The following TEX52 variants were observed in gnomAD, a reference collection of about 807,000 sequenced individuals.
TEX52 encodes testis-expressed protein 52.
A neutral mutation model predicts 17.6 loss-of-function variants in TEX52; 22 were observed. The ratio of observed to expected loss-of-function variants is 1.25; its 90% CI spans 0.89 to 1.78. TEX52 has a LOEUF of 1.78. Ranked by LOEUF, TEX52 falls within the 40% of genes most tolerant of loss-of-function variation. The pLI is 0.00. For synonymous variants in TEX52, 168 were observed against 147.4 expected, an observed-to-expected ratio of 1.14 and a Z score of -1.01; for missense variants, 396 against 372.3, an observed-to-expected ratio of 1.06 and a Z score of -0.52.
downstream of TEX52, among the ~76,000 whole-genome samples, chr12:2,848,516 G>A (rs1329194839): frequency 6.6e-6 from 1 of 152,180 alleles, no homozygotes; most frequent in Non-Finnish European, 1.5e-5. Flanking sequence ...CCCCAACAGG[G>A]TGTGGAGAGG....
intron 2 of TEX52, among the ~76,000 whole-genome samples, chr12:2,854,415 C>G (rs2098080889): frequency 6.6e-6 from 1 of 152,234 alleles, no homozygotes; most frequent in Non-Finnish European, 1.5e-5. Context: ...CTCCCCCCTT[C>G]ATCGGTGAGG....
At chr12:2,848,820 T>G (rs745577124), downstream of TEX52, among the ~76,000 whole-genome samples, 7 of 151,772 alleles carry the variant, frequency 4.6e-5, no homozygotes, top group Non-Finnish European at 7.4e-5. Flanking sequence ...GGAGATAGCT[T>G]CTTCTTATCC....
At position 2,855,452 on chromosome 12, in the gene TEX52, G is replaced by A; in HGVS notation, c.73-6C>T. 2 of 1,431,900 alleles carry A rather than the reference G, an allele frequency of 1.4e-6. No individual in the cohort carries two copies. Among genetic ancestry groups the A allele is most frequent in the Non-Finnish European group, 1.8e-6 (2 of 1,090,768 alleles). 88.7% of individuals were successfully genotyped at this position (1,431,900 alleles called of 1,614,324 possible). ...GACTCGCTGGCCTGGACCATCTAGG[G>A]AGAGACAAAAGGGAGCCTGGGGAAG... On this transcript the variant is annotated splice_polypyrimidine_tract_variant and splice_region_variant and intron_variant, in intron 1 of 2. Coordinates refer to ENST00000637658, the MANE Select transcript of TEX52 (RefSeq NM_001365174.2).
chr12:2,856,991 G>A lies in TEX52; in HGVS notation c.36C>T (p.Pro12=), dbSNP rs1011902856. 5.4e-5 allele frequency: 38 copies of A among 702,916 alleles called. No individual in the cohort carries two copies. Among genetic ancestry groups the A allele is most frequent in the Non-Finnish European group, 8.6e-5 (33 of 385,018 alleles). The allele number at this position is 702,916 out of a possible 1,614,324, so 43.5% of individuals were successfully genotyped here. The change falls in exon 1 of 3, where the codon CCC becomes CCT. Residue 12 remains proline (P), a synonymous_variant. Transcript: ENST00000637658. ...ASNRQRSLRG[P]SHPSHMEEPF... is the part of the protein sequence containing the mutation. ...GTTCTTCCATATGAGATGGGTGACT[G>A]GGCCCTCTGAGTGATCTTTGCCGGT...
At chr12:2,854,173 C>G (rs1381245051) in intron 2 of TEX52, among the ~76,000 whole-genome samples, 1 of 151,944 alleles carries the variant, frequency 6.6e-6, no homozygotes, top group Admixed American at 6.5e-5. Context: ...TTGCAGGCAC[C>G]CATCACCACA....
At chr12:2,853,503 C>T (rs1433991549) in intron 2 of TEX52, among the ~76,000 whole-genome samples, 1 of 152,150 alleles carries the variant, frequency 6.6e-6, no homozygotes, top group Non-Finnish European at 1.5e-5. Context: ...GAACTCCTGA[C>T]CTCAGGCGAT....
chr12:2,855,266 A>G lies in TEX52; in HGVS notation c.253T>C (p.Trp85Arg). ...SKVRQRLIHP[W>R]KGGAQHTWGF... is the part of the protein sequence containing the mutation. ...CAGGTGTGCTGGGCGCCACCCTTCC[A>G]AGGGTGGATGAGCCGCTGACGCACC... Residue 85 changes from tryptophan to arginine, a missense_variant, in exon 2 of 3, where the codon TGG (tryptophan) becomes CGG (arginine). Transcript: ENST00000637658. The G allele has an allele frequency of 6.6e-7, 1 of 1,514,616 alleles. No individual in the cohort carries two copies. Among genetic ancestry groups the G allele is most frequent in the East Asian group, 2.5e-5 (1 of 40,404 alleles). The allele number at this position is 1,514,616 out of a possible 1,614,324, so 93.8% of individuals were successfully genotyped here.
intron 1 of TEX52, among the ~76,000 whole-genome samples, chr12:2,855,728 C>T (rs2098085167): frequency 6.6e-6 from 1 of 152,182 alleles, no homozygotes; most frequent in Admixed American, 6.5e-5. Flanking sequence ...TCACTCTTTA[C>T]CTTCACCTCC....
chr12:2,850,018 C>G (rs1004769378), intron 2 of TEX52, among the ~76,000 whole-genome samples: 2 of 152,110 alleles, frequency 1.3e-5, no homozygotes, highest in Non-Finnish European at 2.9e-5. Context: ...GCCCCTGGTT[C>G]GGCAGATAGT....
At position 2,857,038 on chromosome 12, in the gene TEX52, T is replaced by C; in HGVS notation, c.-12A>G. On this transcript the variant is annotated 5_prime_UTR_variant, in exon 1 of 3. Transcript: ENST00000637658. ...CGGTTACTGGCCATTCTTCTGGGCC[T>C]CAGAGCCAGGAGGGGCGGCTTTGTG... The C allele has an allele frequency of 1.4e-6, 1 of 702,928 alleles. No individual in the cohort carries two copies. The allele number at this position is 702,928 out of a possible 1,614,324, so 43.5% of individuals were successfully genotyped here.
At chr12:2,853,231 G>A (rs1479257949) in intron 2 of TEX52, among the ~76,000 whole-genome samples, 2 of 152,018 alleles carry the variant, frequency 1.3e-5, no homozygotes, top group African/African-American at 4.8e-5. Context: ...GAGAAGCCTG[G>A]GTCCCCACAA....
rs748387415 is a variant in TEX52 at position 2,849,370 on chromosome 12, G to T, written c.779C>A (p.Ala260Glu). 1 of 1,536,178 alleles carries T rather than the reference G, an allele frequency of 6.5e-7. No homozygotes were observed. Among genetic ancestry groups the T allele is most frequent in the African/African-American group, 1.4e-5 (1 of 73,178 alleles). The change falls in exon 3 of 3, where the codon GCG (alanine) becomes GAG (glutamate). Residue 260 changes from alanine (A) to glutamate (E), a missense_variant. Coordinates refer to ENST00000637658, the MANE Select transcript of TEX52 (RefSeq NM_001365174.2). ...KVLKLALLPS[A>E]PLSQDLIRDF... Reference sequence around the variant, plus strand: ...CCTTATGAGGTCCTGGCTCAGGGGCGCGCTGGGCAGCAAGGCCAGCTTTAG... The same window carrying T: ...CCTTATGAGGTCCTGGCTCAGGGGCTCGCTGGGCAGCAAGGCCAGCTTTAG...
chr12:2,854,164 T>G (rs1313797526), intron 2 of TEX52, among the ~76,000 whole-genome samples: 3 of 152,198 alleles, frequency 2.0e-5, no homozygotes, highest in Non-Finnish European at 4.4e-5. Flanking sequence ...TAGCTGGGAT[T>G]GCAGGCACCC....
Position 2,855,434 on chromosome 12 carries a change from T to G in TEX52, c.85A>C (p.Ser29Arg). Residue 29 changes from serine to arginine, a missense_variant, in exon 2 of 3, where the codon AGC becomes CGC. By Grantham distance (110) the Ser-to-Arg change is moderately radical (BLOSUM62 -1). Coordinates refer to ENST00000637658, the MANE Select transcript of TEX52 (RefSeq NM_001365174.2). ...EEPFLQMVQA[S>R]ESLPPSQTWA... ...GTTTGGGAGGGTGGGAGGGACTCGC[T>G]GGCCTGGACCATCTAGGGAGAGACA... 1 of 1,467,914 alleles carries G rather than the reference T, an allele frequency of 6.8e-7. No individual in the cohort carries two copies. Among genetic ancestry groups the G allele is most frequent in the Non-Finnish European group, 9.0e-7 (1 of 1,108,712 alleles). The allele number at this position is 1,467,914 out of a possible 1,614,324, so 90.9% of individuals were successfully genotyped here. A position where few individuals can be genotyped will look rare whatever the true frequency, so the allele number is the denominator to read the frequency against.
intron 2 of TEX52, among the ~76,000 whole-genome samples, chr12:2,852,142 G>A (rs1266949684): frequency 6.6e-5 from 10 of 152,136 alleles, no homozygotes; most frequent in Non-Finnish European, 1.0e-4. Flanking sequence ...ATGACTTCCT[G>A]TTATGTGTCC....
At chr12:2,849,658 C>T (rs2098063928) in intron 2 of TEX52, 133 bp from the exon 3 acceptor site, 2 of 992,550 alleles carry the variant, frequency 2.0e-6, no homozygotes, top group South Asian at 3.2e-5. Context: ...GGAATCCCTT[C>T]TGTCTCTCCA....
downstream of TEX52, among the ~76,000 whole-genome samples, chr12:2,848,377 G>A (rs1333785524): frequency 6.6e-6 from 1 of 152,158 alleles, no homozygotes; most frequent in Non-Finnish European, 1.5e-5. Context: ...ACACCATTCT[G>A]ACTGTTGCTT....
intron 2 of TEX52, 95 bp downstream of exon 2, chr12:2,854,801 G>A (rs2098082004): frequency 2.3e-6 from 3 of 1,296,868 alleles, no homozygotes; most frequent in African/African-American, 1.5e-5. Flanking sequence ...GAGCGGGGAA[G>A]GACAGAGTCC....
intron 1 of TEX52, among the ~76,000 whole-genome samples, chr12:2,855,771 C>G (rs2098085284): frequency 6.6e-6 from 1 of 152,198 alleles, no homozygotes; most frequent in Admixed American, 6.5e-5. Flanking sequence ...CATTCCCACC[C>G]AGGAACTGGT....
Sources: gnomAD v4.1 joint callset for allele counts (sites outside exome capture counted in the v4.1 genomes callset) on GRCh38, gnomAD v4.1.1 for gene constraint, MANE v1.5 for transcripts, NCBI Gene and HGNC (gene_info 2026-07-23, HGNC 2026-07-21) for gene names.